The following ACOX2 variants were observed in gnomAD, a reference collection of about 807,000 sequenced individuals.
ACOX2 encodes acyl-CoA oxidase 2, also known as peroxisomal acyl-coenzyme A oxidase 2.
In ACOX2, 59 loss-of-function variants were observed where a neutral mutation model predicts 77.5. The ratio of observed to expected loss-of-function variants is 0.76; its 90% confidence interval spans 0.62 to 0.95. The LOEUF (loss-of-function observed/expected upper bound fraction) is 0.95. Among genes scored for constraint, ACOX2 ranks in the 40% least tolerant of loss-of-function variants. The pLI, the probability that ACOX2 is intolerant of heterozygous loss-of-function variation, is 0.00. For missense variants in ACOX2, 837 were observed against 880.4 expected (o/e 0.95, Z 0.62); for synonymous variants, 317 against 340.1 (o/e 0.93, Z 0.75).
chr3:58,520,771 C>T (rs1239705575), intron 12 of ACOX2, among the ~76,000 whole-genome samples: 2 of 152,238 alleles, frequency 1.3e-5, no homozygotes, highest in Non-Finnish European at 2.9e-5. Flanking sequence ...CCCCAGGAAG[C>T]TGTCAGGGAC....
At chr3:58,508,785 G>T in intron 14 of ACOX2, 108 bp downstream of exon 14, 1 of 1,424,802 alleles carries the variant, frequency 7.0e-7, no homozygotes, top group Non-Finnish European at 9.6e-7. Flanking sequence ...GCTACGCCAA[G>T]TGATTGCCAA....
rs1160386489 is a variant in ACOX2 at position 58,505,881 on chromosome 3, C to G, written c.1984-595G>C. Among the ~76,000 whole-genome samples the G allele has an allele frequency of 6.6e-6, 1 of 152,076 alleles. No homozygotes were observed. Among genetic ancestry groups the G allele is most frequent in the African/African-American group, 2.4e-5 (1 of 41,412 alleles). ...TTTTGGCTCACTGCAACTTCCGCCTCCTGGGTTCAAGCGATTCTTGTGCCT... is the reference window on the plus strand; with the variant it reads ...TTTTGGCTCACTGCAACTTCCGCCTGCTGGGTTCAAGCGATTCTTGTGCCT... On this transcript the variant is annotated intron_variant, in intron 14 of 14. Coordinates refer to ENST00000302819, the MANE Select transcript of ACOX2 (RefSeq NM_003500.4). This position sits in a 1 kb window ranked among gnomAD's most constrained non-coding sequence, Gnocchi z 4.4.
intron 12 of ACOX2, among the ~76,000 whole-genome samples, chr3:58,520,205 C>T (rs1373082002): frequency 1.3e-5 from 2 of 152,198 alleles, no homozygotes; most frequent in Non-Finnish European, 2.9e-5. Flanking sequence ...AAAGTAGGTA[C>T]TGTTATTAGC....
At position 58,514,945 on chromosome 3, in the gene ACOX2, G is replaced by A. The variant is rs2063311706; in HGVS notation, c.1850+2261C>T. Among the ~76,000 whole-genome samples, 1 of 152,128 alleles carries A rather than the reference G, an allele frequency of 6.6e-6. No individual in the cohort carries two copies. The highest frequency in any genetic ancestry group is 3.2e-3 in the Middle Eastern group (1 of 316). ...AATAGTTTTCACCACTGGATTCCCTGTATTAGGGAAAGTTTTATACCTGGG... is the reference window on the plus strand; with the variant it reads ...AATAGTTTTCACCACTGGATTCCCTATATTAGGGAAAGTTTTATACCTGGG... On this transcript the variant is annotated intron_variant, in intron 13 of 14. Coordinates refer to ENST00000302819, the MANE Select transcript of ACOX2 (RefSeq NM_003500.4). This position sits in a 1 kb window ranked among gnomAD's most constrained non-coding sequence, Gnocchi z 4.3.
At chr3:58,510,359 G>A (rs774268680) in intron 13 of ACOX2, among the ~76,000 whole-genome samples, 3 of 151,732 alleles carry the variant, frequency 2.0e-5, no homozygotes, top group Admixed American at 6.6e-5. Flanking sequence ...CAGGCCGGGC[G>A]CGATGGCTCA....
rs1225651077 is a variant in ACOX2, at chr3:58,534,553, G to A, written c.161-31C>T. The A allele has an allele frequency of 6.2e-7, 1 of 1,614,106 alleles. No homozygotes were observed. Among genetic ancestry groups the A allele is most frequent in the Non-Finnish European group, 8.5e-7 (1 of 1,180,014 alleles). ...GAGGACAGAGAACAGAGGGCTTAGG[G>A]ACCTGGGTGAGGTTTCTGGCACCTT... On this transcript the variant is annotated intron_variant, in intron 2 of 14. Coordinates refer to ENST00000302819, the MANE Select transcript of ACOX2 (RefSeq NM_003500.4). This position sits in a 1 kb window ranked among gnomAD's most constrained non-coding sequence, Gnocchi z 4.8.
Position 58,531,413 on chromosome 3 carries a change from T to G in ACOX2, c.704-47A>C. On this transcript the variant is annotated intron_variant, in intron 6 of 14. Coordinates refer to ENST00000302819, the MANE Select transcript of ACOX2 (RefSeq NM_003500.4). The surrounding 1 kb of genome is among the most constrained non-coding windows in gnomAD (Gnocchi z 5.8). ...GACACCTATCAGTTGAGAGAGTGCT[T>G]GCTATGTGGCAGGTATCATACACAC... 2 of 1,538,888 alleles carry G rather than the reference T, an allele frequency of 1.3e-6. No homozygotes were observed. Among genetic ancestry groups the G allele is most frequent in the Admixed American group, 3.4e-5 (2 of 59,194 alleles).
In ACOX2 at chr3:58,521,601, TC is replaced by T. The variant is rs2063358841; in HGVS notation, c.1632+894del. On this transcript the variant is annotated intron_variant, in intron 12 of 14. Transcript: ENST00000302819. This position sits in a 1 kb window ranked among gnomAD's most constrained non-coding sequence, Gnocchi z 4.8. ...TCCTTTCTAACTTGCTCCCTTTCAT[TC>T]CATCCTGGGCAACCTGCATGATTCT... 6.6e-6 allele frequency among the ~76,000 whole-genome samples: 1 copy of T among 152,166 alleles called. No individual in the cohort carries two copies. The highest frequency in any genetic ancestry group is 2.1e-4 in the South Asian group (1 of 4,832).
chr3:58,522,737 T>C lies in ACOX2; in HGVS notation c.1527-136A>G, dbSNP rs2063367661. On this transcript the variant is annotated intron_variant, in intron 11 of 14. Coordinates refer to ENST00000302819, the MANE Select transcript of ACOX2 (RefSeq NM_003500.4). This position sits in a 1 kb window ranked among gnomAD's most constrained non-coding sequence, Gnocchi z 4.3. ...ATGTGCCATAAAGCTAAATGATTGATATTTATTATCTTTTTAACTCTTTTA... is the reference window on the plus strand; with the variant it reads ...ATGTGCCATAAAGCTAAATGATTGACATTTATTATCTTTTTAACTCTTTTA... The C allele has an allele frequency of 7.8e-6, 6 of 769,344 alleles. No individual in the cohort carries two copies. Among genetic ancestry groups the C allele is most frequent in the Non-Finnish European group, 1.3e-5 (6 of 464,110 alleles). The allele number at this position is 769,344 out of a possible 1,614,324, so 47.7% of individuals were successfully genotyped here.
chr3:58,533,383 T>C lies in ACOX2; in HGVS notation c.583+62A>G, dbSNP rs2063454949. 1 of 1,472,798 alleles carries C rather than the reference T, an allele frequency of 6.8e-7. No homozygotes were observed. Among genetic ancestry groups the C allele is most frequent in the East Asian group, 2.3e-5 (1 of 44,012 alleles). The allele number at this position is 1,472,798 out of a possible 1,614,324, so 91.2% of individuals were successfully genotyped here. The stretch of plus-strand genomic sequence containing the variant: ...TGTTGGACCTCAAAGCCAGTGCTAC[T>C]CTGCCCTCCAACATTCTTCTACTTG... On this transcript the variant is annotated intron_variant, in intron 5 of 14. Coordinates refer to ENST00000302819, the MANE Select transcript of ACOX2 (RefSeq NM_003500.4). This position sits in a 1 kb window ranked among gnomAD's most constrained non-coding sequence, Gnocchi z 5.6.
rs2063398762 is a variant in ACOX2 at position 58,526,728 on chromosome 3, T to A, written c.1156-72A>T. 1 of 1,494,434 alleles carries A rather than the reference T, an allele frequency of 6.7e-7. No homozygotes were observed. The highest frequency in any genetic ancestry group is 1.4e-5 in the African/African-American group (1 of 72,090). The allele number at this position is 1,494,434 out of a possible 1,614,324, so 92.6% of individuals were successfully genotyped here. A position where few individuals can be genotyped will look rare whatever the true frequency, so the allele number is the denominator to read the frequency against. On this transcript the variant is annotated intron_variant, in intron 9 of 14. Coordinates refer to ENST00000302819, the MANE Select transcript of ACOX2 (RefSeq NM_003500.4). This position sits in a 1 kb window ranked among gnomAD's most constrained non-coding sequence, Gnocchi z 4.3. ...CATAGGGACCAACCCTGTGCACCAC[T>A]TACTGAGCATCTACTCATGCCCAGC... is the stretch of plus-strand genomic sequence containing the variant.
At chr3:58,530,327 T>G in intron 8 of ACOX2, 139 bp downstream of exon 8, 3 of 1,240,854 alleles carry the variant, frequency 2.4e-6, no homozygotes, top group Non-Finnish European at 3.3e-6. Flanking sequence ...GTAGATTTTG[T>G]GTTTGTGTGT....
rs1425828276 is a variant in ACOX2, at chr3:58,531,402, G to T, written c.704-36C>A. On this transcript the variant is annotated intron_variant, in intron 6 of 14. Transcript: ENST00000302819. The surrounding 1 kb of genome is among the most constrained non-coding windows in gnomAD (Gnocchi z 5.8). Reference sequence around the variant, plus strand: ...ATGGAGATGAGGACACCTATCAGTTGAGAGAGTGCTTGCTATGTGGCAGGT... The same window carrying T: ...ATGGAGATGAGGACACCTATCAGTTTAGAGAGTGCTTGCTATGTGGCAGGT... 2 of 1,573,212 alleles carry T rather than the reference G, an allele frequency of 1.3e-6. No homozygotes were observed. The highest frequency in any genetic ancestry group is 1.1e-5 in the South Asian group (1 of 89,898).
rs2063475366 is a variant in ACOX2, at chr3:58,535,493, G to A, written c.-91-296C>T. Among the ~76,000 whole-genome samples the A allele has an allele frequency of 2.0e-5, 3 of 152,204 alleles. No homozygotes were observed. The highest frequency in any genetic ancestry group is 4.4e-5 in the Non-Finnish European group (3 of 68,040). ...AAATCTTCACAAAAAAGTCAGTGAA[G>A]CTTACACCTGAAGAAAATAATCCTG... is the stretch of plus-strand genomic sequence containing the variant. On this transcript the variant is annotated intron_variant, in intron 1 of 14. Transcript: ENST00000302819. This position sits in a 1 kb window ranked among gnomAD's most constrained non-coding sequence, Gnocchi z 4.8.
Position 58,526,830 on chromosome 3 carries a change from C to CA in ACOX2, c.1156-175dup. The stretch of plus-strand genomic sequence containing the variant: ...AGGCGGGTACTCAGCTTATGTGACT[C>CA]ACCCAGAGGCACACAATTAGGCAAT... On this transcript the variant is annotated intron_variant, in intron 9 of 14. Coordinates refer to ENST00000302819, the MANE Select transcript of ACOX2 (RefSeq NM_003500.4). The surrounding 1 kb of genome is among the most constrained non-coding windows in gnomAD (Gnocchi z 4.3). 1 of 650,310 alleles carries CA rather than the reference C, an allele frequency of 1.5e-6. No homozygotes were observed. 40.3% of individuals were successfully genotyped at this position (650,310 alleles called of 1,614,324 possible).
chr3:58,520,612 GC>G, intron 12 of ACOX2, among the ~76,000 whole-genome samples: 1 of 152,224 alleles, frequency 6.6e-6, no homozygotes, highest in Non-Finnish European at 1.5e-5. Context: ...CCCTCAAGTT[GC>G]AGTTATCTCT....
intron 9 of ACOX2, among the ~76,000 whole-genome samples, chr3:58,527,354 A>T (rs896568064): frequency 1.3e-4 from 20 of 151,902 alleles, no homozygotes; most frequent in Middle Eastern, 3.2e-3. Flanking sequence ...TGGCCAACAT[A>T]GTGAAACCCC....
chr3:58,517,857 C>A (rs1275211423), intron 12 of ACOX2, among the ~76,000 whole-genome samples: 1 of 151,870 alleles, frequency 6.6e-6, no homozygotes, highest in Non-Finnish European at 1.5e-5. Context: ...GGTGGATCAC[C>A]TGAGGTCAGG....
chr3:58,516,251 G>C (rs562234585), intron 13 of ACOX2, among the ~76,000 whole-genome samples: 5 of 152,194 alleles, frequency 3.3e-5, no homozygotes, highest in African/African-American at 1.2e-4. Flanking sequence ...TACTAAACTT[G>C]GTAAGAATTT....
Sources: allele counts gnomAD v4.1 joint callset (sites outside exome capture counted in the v4.1 genomes callset), GRCh38; gene constraint gnomAD v4.1.1; non-coding constraint Gnocchi (gnomAD v3.1); transcripts MANE v1.5; gene names NCBI Gene and HGNC (gene_info 2026-07-23, HGNC 2026-07-21).